Variants in PARVB observed in about 807,000 individuals in gnomAD.
PARVB encodes the protein beta-parvin.
In PARVB, 46 loss-of-function variants were observed where a neutral mutation model predicts 47.0. That is an observed-to-expected ratio of 0.98 (90% CI 0.77 to 1.25). The LOEUF (loss-of-function observed/expected upper bound fraction) is 1.25, where lower values mean the gene tolerates loss of function less well. Among genes scored for constraint, PARVB ranks in the 50% most tolerant of loss-of-function variants. The pLI, the probability that PARVB is intolerant of heterozygous loss-of-function variation, is 0.00. For synonymous variants in PARVB, 196 were observed against 196.3 expected (o/e 1.00, Z 0.01); for missense variants, 473 against 471.6 (o/e 1.00, Z -0.03).
At chr22:44,040,896 G>A (rs977026113) in intron 1 of PARVB, among the ~76,000 whole-genome samples, 2 of 151,992 alleles carry the variant, frequency 1.3e-5, no homozygotes, top group Non-Finnish European at 2.9e-5. Context: ...CCAGCTACTC[G>A]AGAGGCTGAG....
chr22:44,120,540 C>T (rs1010932745), intron 4 of PARVB, among the ~76,000 whole-genome samples: 7 of 152,042 alleles, frequency 4.6e-5, no homozygotes, highest in East Asian at 1.9e-4. Flanking sequence ...CTGGGGGCAT[C>T]GTATCAGGAG....
rs182016706 is a variant in PARVB at position 44,059,873 on chromosome 22, C to T, written c.113-34055C>T. ...TCTTTGGCGGGGCGTGTTTGCTCAG[C>T]ATCATGGAAGGGGGATGTGAGGTAC... On this transcript the variant is annotated intron_variant, in intron 1 of 12. Coordinates refer to ENST00000338758, the MANE Select transcript of PARVB (RefSeq NM_013327.5). Among the ~76,000 whole-genome samples, 38 of 152,304 alleles carry T rather than the reference C, an allele frequency of 2.5e-4. 1 individual carries two copies. The highest frequency in any genetic ancestry group is 2.4e-3 in the Admixed American group (36 of 15,294).
chr22:44,084,665 C>T (rs2051984032), intron 1 of PARVB, among the ~76,000 whole-genome samples: 1 of 152,234 alleles, frequency 6.6e-6, no homozygotes, highest in Admixed American at 6.5e-5. Flanking sequence ...ATTCTGCAGT[C>T]ATCTGTGGGG....
At chr22:44,160,745 A>T (rs1244028502) in intron 11 of PARVB, among the ~76,000 whole-genome samples, 1 of 152,124 alleles carries the variant, frequency 6.6e-6, no homozygotes, top group African/African-American at 2.4e-5. Context: ...TCACTTCAAA[A>T]CCACTTACTG....
intron 6 of PARVB, among the ~76,000 whole-genome samples, chr22:44,133,888 A>G (rs1172663806): frequency 6.6e-6 from 1 of 152,200 alleles, no homozygotes; most frequent in Non-Finnish European, 1.5e-5. Flanking sequence ...TCGTGTGTGC[A>G]GTTTCCCTCA....
chr22:44,098,167 C>T (rs9614199), intron 2 of PARVB, among the ~76,000 whole-genome samples: 46,210 of 151,960 alleles, frequency 0.3, 7,766 homozygotes, highest in Non-Finnish European at 0.38. Flanking sequence ...TTTCCAGAAA[C>T]GGGCTCTCTG....
At chr22:44,007,174 C>T (rs534003173) in intron 2 of PARVB, among the ~76,000 whole-genome samples, 3 of 151,266 alleles carry the variant, frequency 2.0e-5, no homozygotes, top group Admixed American at 6.6e-5. Flanking sequence ...GCGGGTACAG[C>T]GGGCGGAGAT....
chr22:44,002,702 A>G (rs977262487), intron 2 of PARVB, among the ~76,000 whole-genome samples: 1 of 152,158 alleles, frequency 6.6e-6, no homozygotes, highest in African/African-American at 2.4e-5. Context: ...CTGTTTTTAC[A>G]TTTACACATA....
chr22:44,020,374 A>T (rs1042989586), upstream of PARVB, among the ~76,000 whole-genome samples: 1 of 152,030 alleles, frequency 6.6e-6, no homozygotes, highest in African/African-American at 2.4e-5. Context: ...GGGTCTTGCC[A>T]TATTGCCCAG....
intron 10 of PARVB, among the ~76,000 whole-genome samples, chr22:44,157,244 C>G (rs2053955187): frequency 6.6e-6 from 1 of 152,164 alleles, no homozygotes; most frequent in Non-Finnish European, 1.5e-5. Context: ...TTGAATGAAT[C>G]CTTCCAGCAG....
At chr22:44,014,718 T>C (rs1285889756) in intron 2 of PARVB, among the ~76,000 whole-genome samples, 3 of 152,138 alleles carry the variant, frequency 2.0e-5, no homozygotes, top group African/African-American at 7.2e-5. Flanking sequence ...GGAGGAAAGT[T>C]TTTCCGGTTT....
chr22:44,154,862 TGGG>T (rs1459979356), intron 10 of PARVB, among the ~76,000 whole-genome samples: 9 of 142,204 alleles, frequency 6.3e-5, no homozygotes, highest in African/African-American at 1.1e-4. Context: ...CAGTCTGTGG[TGGG>T]GGTGTGTGTG....
upstream of PARVB, among the ~76,000 whole-genome samples, chr22:44,023,538 A>AAAACAAAATT (rs1569056385): frequency 3.9e-4 from 7 of 17,902 alleles, no homozygotes; most frequent in African/African-American, 2.2e-3. Flanking sequence ...AAAACAAAAC[A>AAAACAAAATT]AAATAAAATA....
chr22:44,121,016 GT>G (rs1479541751), intron 4 of PARVB, among the ~76,000 whole-genome samples: 1 of 151,928 alleles, frequency 6.6e-6, no homozygotes. Flanking sequence ...GGTAATTTTT[GT>G]TTTTTAGTAG....
rs4575816 is a variant in PARVB at position 44,038,759 on chromosome 22, G to T, written c.112+14308G>T. Among the ~76,000 whole-genome samples, 209 of 152,176 alleles carry T rather than the reference G, an allele frequency of 1.4e-3. 4 individuals carry two copies. In the East Asian group the frequency reaches 0.035, roughly 25 times the overall value. ...ATCACGCCACTGCACTCCAGCCTGGGCGACAGAGTGAGACTCCATCTCAAA... is the reference window on the plus strand; with the variant it reads ...ATCACGCCACTGCACTCCAGCCTGGTCGACAGAGTGAGACTCCATCTCAAA... On this transcript the variant is annotated intron_variant, in intron 1 of 12. Coordinates refer to ENST00000338758, the MANE Select transcript of PARVB (RefSeq NM_013327.5).
chr22:44,050,347 CTT>C (rs764974368), intron 1 of PARVB, among the ~76,000 whole-genome samples: 2 of 143,566 alleles, frequency 1.4e-5, no homozygotes. Flanking sequence ...CCCTTTCGGC[CTT>C]TTTTTTTTTT....
intron 2 of PARVB, among the ~76,000 whole-genome samples, chr22:44,012,847 T>C (rs2050536805): frequency 1.3e-5 from 2 of 152,162 alleles, no homozygotes; most frequent in African/African-American, 4.8e-5. Flanking sequence ...TCTTTTTAGT[T>C]CTATTAAAGA....
At chr22:44,087,231 C>T (rs543949158) in intron 1 of PARVB, among the ~76,000 whole-genome samples, 4 of 152,320 alleles carry the variant, frequency 2.6e-5, no homozygotes, top group African/African-American at 7.2e-5. Flanking sequence ...TGAAATTTCT[C>T]GCCCTGATCT....
chr22:44,090,848 C>T lies in PARVB; in HGVS notation c.113-3080C>T, dbSNP rs555893530. ...GACATGGAACTTCCACCCCGACCCC[C>T]TGTGCTCCAGGGCTATCATATTCCC... On this transcript the variant is annotated intron_variant, in intron 1 of 12. Transcript: ENST00000338758. 1.1e-4 allele frequency among the ~76,000 whole-genome samples: 17 copies of T among 152,358 alleles called. No individual in the cohort carries two copies. In the South Asian group the frequency reaches 3.5e-3, roughly 32 times the overall value.
Sources: gnomAD v4.1 joint callset for allele counts (sites outside exome capture counted in the v4.1 genomes callset) on GRCh38, gnomAD v4.1.1 for gene constraint, MANE v1.5 for transcripts, NCBI Gene and HGNC (gene_info 2026-07-23, HGNC 2026-07-21) for gene names.